The following FOXO1 variants were observed in gnomAD, a reference collection of about 807,000 sequenced individuals.
The protein encoded by FOXO1 is forkhead box protein O1.
Under a neutral mutation model 44.1 loss-of-function variants are expected in FOXO1, and 6 were observed. The observed-to-expected ratio is 0.14, with a 90% confidence interval of 0.07 to 0.27. The LOEUF is 0.27. FOXO1 is among the 10% of genes least tolerant of loss of function. The pLI, the probability that FOXO1 is intolerant of heterozygous loss-of-function variation, is 1.00. For missense variants in FOXO1, 737 were observed against 888.8 expected (o/e 0.83, Z 2.17); for synonymous variants, 380 against 362.7 (o/e 1.05, Z -0.54).
At chr13:40,631,193 G>T (rs1462655653) in intron 1 of FOXO1, among the ~76,000 whole-genome samples, 1 of 152,164 alleles carries the variant, frequency 6.6e-6, no homozygotes, top group African/African-American at 2.4e-5. Flanking sequence ...CCTGCGAAAA[G>T]TATTTATGCT....
chr13:40,583,890 T>C (rs1305334287), intron 1 of FOXO1, among the ~76,000 whole-genome samples: 2 of 152,230 alleles, frequency 1.3e-5, no homozygotes, highest in Non-Finnish European at 2.9e-5. Flanking sequence ...GGCCTAGCTT[T>C]TGGACAATCT....
At chr13:40,610,631 A>T (rs1876195027) in intron 1 of FOXO1, among the ~76,000 whole-genome samples, 1 of 152,242 alleles carries the variant, frequency 6.6e-6, no homozygotes, top group Non-Finnish European at 1.5e-5. Context: ...ACAGGAAAAT[A>T]TAAAAATAAC....
intron 1 of FOXO1, among the ~76,000 whole-genome samples, chr13:40,617,604 A>C (rs1218415007): frequency 6.6e-6 from 1 of 152,204 alleles, no homozygotes; most frequent in Admixed American, 6.5e-5. Context: ...ACAGAGCCAC[A>C]GTACACACGC....
chr13:40,617,613 G>A (rs770108792), intron 1 of FOXO1, among the ~76,000 whole-genome samples: 5 of 152,040 alleles, frequency 3.3e-5, no homozygotes, highest in East Asian at 1.9e-4. Context: ...CAGTACACAC[G>A]CCTTAATAGG....
chr13:40,599,106 A>G (rs906596976), intron 1 of FOXO1, among the ~76,000 whole-genome samples: 5 of 150,234 alleles, frequency 3.3e-5, no homozygotes, highest in Admixed American at 6.7e-5. Flanking sequence ...ATTTCTATTG[A>G]TCAAAAATTT....
chr13:40,620,662 C>T (rs1876578103), intron 1 of FOXO1, among the ~76,000 whole-genome samples: 1 of 152,006 alleles, frequency 6.6e-6, no homozygotes, highest in African/African-American at 2.4e-5. Context: ...CAGGCAGGCC[C>T]AAGGAGACAG....
chr13:40,581,571 T>C (rs1268048753), intron 1 of FOXO1, among the ~76,000 whole-genome samples: 2 of 152,238 alleles, frequency 1.3e-5, no homozygotes, highest in Non-Finnish European at 2.9e-5. Flanking sequence ...TATTAGGCTA[T>C]TCAAAATAAC....
chr13:40,583,699 T>A lies in FOXO1; in HGVS notation c.631-22839A>T, dbSNP rs530431485. ...AAGAGTTACGGCCTTGCTCTGAACA[T>A]GGCTTTGGCTTAAAGGAATGTTGTG... On this transcript the variant is annotated intron_variant, in intron 1 of 2. Coordinates refer to ENST00000379561, the MANE Select transcript of FOXO1 (RefSeq NM_002015.4). Among the ~76,000 whole-genome samples, 97 of 152,326 alleles carry A rather than the reference T, an allele frequency of 6.4e-4. 1 individual carries two copies. Among genetic ancestry groups the A allele is most frequent in the Non-Finnish European group, 1.1e-3 (76 of 68,022 alleles).
Position 40,665,845 on chromosome 13 carries a change from G to A in FOXO1, c.368C>T (p.Pro123Leu), listed in dbSNP as rs1878220940. Residue 123 changes from proline (P) to leucine (L), a missense_variant, in exon 1 of 3, where the codon CCG becomes CTG. Physicochemically the swap from Pro to Leu is moderately conservative, Grantham distance 98. Coordinates refer to ENST00000379561, the MANE Select transcript of FOXO1 (RefSeq NM_002015.4). ...PEAGCLHPAP[P>L]QPPPPGPLSQ... Reference sequence around the variant, plus strand: ...CAGCGGCCCGGGCGGCGGGGGCTGCGGTGGCGCTGGGTGCAGGCAGCCCGC... The same window carrying A: ...CAGCGGCCCGGGCGGCGGGGGCTGCAGTGGCGCTGGGTGCAGGCAGCCCGC... The A allele has an allele frequency of 2.7e-6, 3 of 1,131,514 alleles. No homozygotes were observed. Among genetic ancestry groups the A allele is most frequent in the Non-Finnish European group, 2.2e-6 (2 of 924,832 alleles). The allele number at this position is 1,131,514 out of a possible 1,614,324, so 70.1% of individuals were successfully genotyped here.
chr13:40,561,006 G>T, intron 1 of FOXO1, 146 bp from the exon 2 acceptor site: 1 of 711,468 alleles, frequency 1.4e-6, no homozygotes, highest in Non-Finnish European at 2.3e-6. Flanking sequence ...TGGCTCTGAA[G>T]CCACTACAAA....
chr13:40,582,240 A>T (rs1874984195), intron 1 of FOXO1, among the ~76,000 whole-genome samples: 1 of 152,250 alleles, frequency 6.6e-6, no homozygotes. Context: ...TAATGTACAC[A>T]TCTTAATTAA....
At chr13:40,636,277 T>C (rs1877148397) in intron 1 of FOXO1, among the ~76,000 whole-genome samples, 1 of 152,060 alleles carries the variant, frequency 6.6e-6, no homozygotes, top group Non-Finnish European at 1.5e-5. Flanking sequence ...ACACAAGCTG[T>C]ACAACCTCAA....
chr13:40,605,714 C>T (rs1290728470), intron 1 of FOXO1, among the ~76,000 whole-genome samples: 8 of 152,176 alleles, frequency 5.3e-5, no homozygotes, highest in Non-Finnish European at 1.2e-4. Flanking sequence ...GCCCCTAAAC[C>T]CCCAAGGTAC....
chr13:40,653,385 GT>G (rs917571087), intron 1 of FOXO1, among the ~76,000 whole-genome samples: 4 of 152,122 alleles, frequency 2.6e-5, no homozygotes, highest in African/African-American at 9.7e-5. Context: ...TCAAAGAGGG[GT>G]TTTCGCTCAG....
chr13:40,570,862 C>A (rs987579928), intron 1 of FOXO1, among the ~76,000 whole-genome samples: 2 of 152,194 alleles, frequency 1.3e-5, no homozygotes, highest in Non-Finnish European at 2.9e-5. Flanking sequence ...AAAGACAAAT[C>A]CCAAAACAAT....
At chr13:40,611,049 G>T (rs947357883) in intron 1 of FOXO1, 3 of 456,192 alleles carry the variant, frequency 6.6e-6, no homozygotes, top group Non-Finnish European at 1.3e-5. Context: ...TGAACGTGAG[G>T]AGAAAAGTTG....
At chr13:40,657,721 T>C (rs980047531) in intron 1 of FOXO1, among the ~76,000 whole-genome samples, 7 of 152,322 alleles carry the variant, frequency 4.6e-5, no homozygotes, top group East Asian at 1.9e-4. Context: ...CTGTATATCA[T>C]AGTTACTTAC....
At chr13:40,602,918 G>A (rs1462350594) in intron 1 of FOXO1, among the ~76,000 whole-genome samples, 6 of 152,148 alleles carry the variant, frequency 3.9e-5, no homozygotes, top group Non-Finnish European at 8.8e-5. Context: ...CATAAAATTA[G>A]TAGAGTTCAA....
intron 1 of FOXO1, chr13:40,619,482 A>T: frequency 1.5e-6 from 2 of 1,297,778 alleles, no homozygotes; most frequent in Non-Finnish European, 2.2e-6. Context: ...CGAACAGTGG[A>T]GAGTTTCGGT....
Sources: allele counts gnomAD v4.1 joint callset (sites outside exome capture counted in the v4.1 genomes callset), GRCh38; gene constraint gnomAD v4.1.1; transcripts MANE v1.5; gene names NCBI Gene and HGNC (gene_info 2026-07-23, HGNC 2026-07-21).